RBFOX1: variants seen among roughly 807,000 people sequenced by gnomAD.
The protein encoded by RBFOX1 is RNA binding protein fox-1 homolog 1.
A neutral mutation model predicts 57.7 loss-of-function variants in RBFOX1; 8 were observed. The ratio of observed to expected loss-of-function variants is 0.14; its 90% CI spans 0.08 to 0.25. RBFOX1 has a LOEUF of 0.25. Among genes scored for constraint, RBFOX1 ranks in the 10% least tolerant of loss-of-function variants. The pLI is 1.00. For missense variants in RBFOX1, 611 were observed against 548.5 expected (o/e 1.11, Z -1.14); for synonymous variants, 326 against 222.4 (o/e 1.47, Z -4.15).
intron 1 of RBFOX1, among the ~76,000 whole-genome samples, chr16:5,398,312 T>G (rs1168153523): frequency 6.6e-6 from 1 of 152,090 alleles, no homozygotes; most frequent in Non-Finnish European, 1.5e-5. Flanking sequence ...TGTGTGCATG[T>G]GTGCTCGTGT....
intron 3 of RBFOX1, among the ~76,000 whole-genome samples, chr16:5,834,762 C>G: frequency 6.7e-6 from 1 of 149,158 alleles, no homozygotes; most frequent in African/African-American, 2.5e-5. Context: ...TACATACATA[C>G]ATACATGCAC....
intron 4 of RBFOX1, among the ~76,000 whole-genome samples, chr16:5,911,141 G>A (rs1285090269): frequency 1.3e-5 from 2 of 152,192 alleles, no homozygotes; most frequent in Non-Finnish European, 2.9e-5. Flanking sequence ...GAGGGAGCCT[G>A]GGGTGCTTGG....
At chr16:5,785,550 G>A (rs1447431733) in intron 3 of RBFOX1, among the ~76,000 whole-genome samples, 10 of 150,652 alleles carry the variant, frequency 6.6e-5, no homozygotes, top group Admixed American at 2.6e-4. Context: ...TTTTTGAGGC[G>A]GAGTTTCACT....
chr16:7,502,425 A>G (rs990308547), intron 4 of RBFOX1, among the ~76,000 whole-genome samples: 1 of 152,148 alleles, frequency 6.6e-6, no homozygotes, highest in Non-Finnish European at 1.5e-5. Flanking sequence ...TTTATAAACA[A>G]TGTAGGGGTG....
At chr16:7,681,595 A>G (rs1321898515) in intron 14 of RBFOX1, among the ~76,000 whole-genome samples, 1 of 152,152 alleles carries the variant, frequency 6.6e-6, no homozygotes, top group Non-Finnish European at 1.5e-5. Flanking sequence ...AAATTAAGGA[A>G]TTGTCAGCAT....
At chr16:5,593,011 G>T (rs1269960560) in intron 2 of RBFOX1, among the ~76,000 whole-genome samples, 1 of 152,180 alleles carries the variant, frequency 6.6e-6, no homozygotes, top group African/African-American at 2.4e-5. Context: ...CTAAGTCACA[G>T]TGTGAGATAG....
intron 3 of RBFOX1, among the ~76,000 whole-genome samples, chr16:6,723,151 T>C (rs953113483): frequency 6.6e-6 from 1 of 152,180 alleles, no homozygotes; most frequent in Non-Finnish European, 1.5e-5. Context: ...TAAAACTCAG[T>C]AGTAGCTAAT....
chr16:6,999,988 C>G (rs546643446), intron 3 of RBFOX1, among the ~76,000 whole-genome samples: 2 of 150,946 alleles, frequency 1.3e-5, no homozygotes, highest in South Asian at 4.2e-4. Flanking sequence ...AGGAGAATTG[C>G]TTGGACCTAG....
In RBFOX1 at chr16:5,412,961, C is replaced by T. The variant is rs146539091; in HGVS notation, c.220-54255C>T. Among the ~76,000 whole-genome samples, 565 of 152,344 alleles carry T rather than the reference C, an allele frequency of 3.7e-3. 3 individuals are homozygous for T. The highest frequency in any genetic ancestry group is 6.3e-3 in the Non-Finnish European group (428 of 68,034). Reference sequence around the variant, plus strand: ...TACGGTTGAAACAACACATCTCACTCGCTGAAGGACGCAGGTGGGGTGGAG... The same window carrying T: ...TACGGTTGAAACAACACATCTCACTTGCTGAAGGACGCAGGTGGGGTGGAG... On this transcript the variant is annotated intron_variant, in intron 1 of 2. Coordinates refer to the RBFOX1 transcript ENST00000585867.
chr16:6,992,170 T>TC (rs1248499866), intron 3 of RBFOX1, among the ~76,000 whole-genome samples: 1 of 151,550 alleles, frequency 6.6e-6, no homozygotes, highest in African/African-American at 2.4e-5. Flanking sequence ...GAAGCAATTT[T>TC]TTGTTTTTTT....
chr16:5,973,780 A>T (rs917622190), intron 4 of RBFOX1, among the ~76,000 whole-genome samples: 5 of 152,136 alleles, frequency 3.3e-5, no homozygotes, highest in Non-Finnish European at 7.4e-5. Context: ...TCATTCATTC[A>T]TTTGGAGCAA....
intron 2 of RBFOX1, among the ~76,000 whole-genome samples, chr16:6,543,550 A>T (rs900724768): frequency 6.6e-6 from 1 of 151,854 alleles, no homozygotes; most frequent in Non-Finnish European, 1.5e-5. Context: ...TTTATACCTT[A>T]CTGTGGCTCC....
chr16:6,955,592 G>A (rs1457244072), intron 3 of RBFOX1, among the ~76,000 whole-genome samples: 1 of 151,878 alleles, frequency 6.6e-6, no homozygotes, highest in African/African-American at 2.4e-5. Flanking sequence ...TTTATATGCT[G>A]GTGCATTGTA....
At chr16:6,341,357 G>C (rs541464907) in intron 2 of RBFOX1, among the ~76,000 whole-genome samples, 3 of 151,766 alleles carry the variant, frequency 2.0e-5, no homozygotes, top group Non-Finnish European at 4.4e-5. Flanking sequence ...CTTTTACCTC[G>C]TTCTTCTCCA....
intron 3 of RBFOX1, among the ~76,000 whole-genome samples, chr16:6,968,849 G>C (rs2084883798): frequency 6.6e-6 from 1 of 151,258 alleles, no homozygotes; most frequent in African/African-American, 2.4e-5. Flanking sequence ...AAAACCTGCA[G>C]GTCTTCTGGC....
intron 3 of RBFOX1, among the ~76,000 whole-genome samples, chr16:7,021,465 T>A (rs1045346990): frequency 6.8e-6 from 1 of 146,168 alleles, no homozygotes; most frequent in Non-Finnish European, 1.5e-5. Flanking sequence ...ATTTTTAATA[T>A]AATTTATATT....
Position 7,518,249 on chromosome 16 carries a change from C to G in RBFOX1, c.130C>G (p.Pro44Ala), listed in dbSNP as rs201490398. The G allele has an allele frequency of 6.2e-7, 1 of 1,614,148 alleles. No homozygotes were observed. Among genetic ancestry groups the G allele is most frequent in the African/African-American group, 1.3e-5 (1 of 75,064 alleles). The change falls in exon 5 of 16, where the codon CCT (proline) becomes GCT (alanine). Residue 44 changes from proline (P) to alanine (A), a missense_variant. Transcript: ENST00000550418. ...CGGTATCCCCGCGGAATACACGGCC[C>G]CTCATCCCCACCCCGCGCCAGAGTA... ...QNGIPAEYTA[P>A]HPHPAPEYTG... is the part of the protein sequence containing the mutation.
chr16:6,512,789 C>A (rs1011858846), intron 2 of RBFOX1, among the ~76,000 whole-genome samples: 1 of 152,158 alleles, frequency 6.6e-6, no homozygotes, highest in Non-Finnish European at 1.5e-5. Context: ...ATGGAGTAGT[C>A]TCATTGTCTT....
intron 3 of RBFOX1, among the ~76,000 whole-genome samples, chr16:6,904,426 C>A (rs532221131): frequency 1.3e-5 from 2 of 151,612 alleles, no homozygotes; most frequent in African/African-American, 4.8e-5. Flanking sequence ...CATGGTGAAT[C>A]CTCCTGTCCA....
Sources: gnomAD v4.1 joint callset for allele counts (sites outside exome capture counted in the v4.1 genomes callset) on GRCh38, gnomAD v4.1.1 for gene constraint, MANE v1.5 for transcripts, NCBI Gene and HGNC (gene_info 2026-07-23, HGNC 2026-07-21) for gene names.